Variants in ST6GALNAC3 observed in about 807,000 individuals in gnomAD.
The protein encoded by ST6GALNAC3 is ST6 N-acetylgalactosaminide alpha-2,6-sialyltransferase 3.
ST6GALNAC3 carries 25 observed loss-of-function variants against 32.7 expected under a neutral mutation model. The ratio of observed to expected loss-of-function variants is 0.76; its 90% CI spans 0.56 to 1.07. ST6GALNAC3 has a LOEUF of 1.07. Ranked by LOEUF, ST6GALNAC3 falls within the 50% of genes least tolerant of loss-of-function variation. The pLI is 0.00. For missense variants in ST6GALNAC3, 355 were observed against 382.4 expected (o/e 0.93, Z 0.60); for synonymous variants, 129 against 133.1 (o/e 0.97, Z 0.21).
chr1:76,254,784 A>C (rs1657821492), intron 1 of ST6GALNAC3, among the ~76,000 whole-genome samples: 1 of 152,062 alleles, frequency 6.6e-6, no homozygotes, highest in Non-Finnish European at 1.5e-5. Flanking sequence ...ATTGGCTTTT[A>C]TTAGTGATTC....
chr1:76,283,096 A>T (rs1176031246), intron 1 of ST6GALNAC3, among the ~76,000 whole-genome samples: 1 of 151,962 alleles, frequency 6.6e-6, no homozygotes, highest in Non-Finnish European at 1.5e-5. Flanking sequence ...CTGCCCCTGA[A>T]CGCCCCCATC....
chr1:76,434,980 G>C (rs373458224), intron 3 of ST6GALNAC3, among the ~76,000 whole-genome samples: 1 of 151,544 alleles, frequency 6.6e-6, no homozygotes, highest in Non-Finnish European at 1.5e-5. Context: ...TAGCAGAGAC[G>C]GGGTTTCACC....
intron 1 of ST6GALNAC3, among the ~76,000 whole-genome samples, chr1:76,213,537 C>T (rs1239454163): frequency 1.3e-5 from 2 of 152,162 alleles, no homozygotes; most frequent in African/African-American, 2.4e-5. Flanking sequence ...GACCTGAAAG[C>T]AACAAATACT....
At chr1:76,253,417 C>G (rs1657733274) in intron 1 of ST6GALNAC3, among the ~76,000 whole-genome samples, 1 of 152,034 alleles carries the variant, frequency 6.6e-6, no homozygotes, top group Non-Finnish European at 1.5e-5. Flanking sequence ...TAATGTGAAG[C>G]CTTTCACCGT....
intron 2 of ST6GALNAC3, among the ~76,000 whole-genome samples, chr1:76,410,360 C>T (rs992348433): frequency 2.0e-5 from 3 of 152,048 alleles, no homozygotes; most frequent in African/African-American, 7.2e-5. Context: ...TCTTTCACTT[C>T]ATTCAAGTCT....
chr1:76,462,835 G>A (rs1343409535), intron 3 of ST6GALNAC3, among the ~76,000 whole-genome samples: 2 of 152,174 alleles, frequency 1.3e-5, no homozygotes, highest in Admixed American at 1.3e-4. Flanking sequence ...CTCATTAGGG[G>A]AGTGTATTGC....
chr1:76,241,349 A>T (rs186833288), intron 1 of ST6GALNAC3, among the ~76,000 whole-genome samples: 9 of 152,316 alleles, frequency 5.9e-5, no homozygotes, highest in Admixed American at 2.6e-4. Context: ...GCTTCCACTC[A>T]TGGTGGAAAG....
At chr1:76,325,482 T>G (rs941103758) in intron 2 of ST6GALNAC3, among the ~76,000 whole-genome samples, 1 of 152,028 alleles carries the variant, frequency 6.6e-6, no homozygotes, top group Admixed American at 6.6e-5. Flanking sequence ...ATTTGTGATA[T>G]TCTTAGGAAG....
chr1:76,097,198 C>T (rs1156395985), intron 1 of ST6GALNAC3, among the ~76,000 whole-genome samples: 5 of 152,174 alleles, frequency 3.3e-5, no homozygotes, highest in Non-Finnish European at 1.5e-5. Flanking sequence ...GGATTACAGG[C>T]GTGAACCACT....
At position 76,269,424 on chromosome 1, in the gene ST6GALNAC3, G is replaced by C. The variant is rs535693485; in HGVS notation, c.19-44381G>C. Among the ~76,000 whole-genome samples, 91 of 152,338 alleles carry C rather than the reference G, an allele frequency of 6.0e-4. 2 individuals carry two copies. Among genetic ancestry groups the C allele is most frequent in the South Asian group, 1.2e-3 (6 of 4,832 alleles). Reference sequence around the variant, plus strand: ...GCTGCAGTCACTTGTGGCCATGCTGGAATGAGGGCCCTTTGTTGCCAAATT... The same window carrying C: ...GCTGCAGTCACTTGTGGCCATGCTGCAATGAGGGCCCTTTGTTGCCAAATT... On this transcript the variant is annotated intron_variant, in intron 1 of 4. Transcript: ENST00000328299.
chr1:76,245,341 G>A (rs1049078064), intron 1 of ST6GALNAC3, among the ~76,000 whole-genome samples: 6 of 151,882 alleles, frequency 4.0e-5, no homozygotes, highest in African/African-American at 1.5e-4. Context: ...TATTAGTCTA[G>A]CTAGTGGTCT....
chr1:76,538,827 A>G (rs1026800243), intron 3 of ST6GALNAC3, among the ~76,000 whole-genome samples: 2 of 152,024 alleles, frequency 1.3e-5, no homozygotes, highest in Non-Finnish European at 2.9e-5. Flanking sequence ...GAAGGACCTC[A>G]TCAAGGAGAA....
chr1:76,112,633 T>C lies in ST6GALNAC3; in HGVS notation c.18+37749T>C, dbSNP rs369711310. On this transcript the variant is annotated intron_variant, in intron 1 of 4. Transcript: ENST00000328299. ...CTCACTTCTCAGACGGGGCGGTTGC[T>C]GGGCGGAGGGGCTCCTCACTTCTCA... Among the ~76,000 whole-genome samples the C allele has an allele frequency of 5.3e-3, 765 of 144,220 alleles. 16 individuals carry two copies. Among genetic ancestry groups the C allele is most frequent in the African/African-American group, 0.018 (676 of 36,756 alleles). The allele number at this position is 144,220 out of a possible 152,430, so 94.6% of individuals were successfully genotyped here. A position where few individuals can be genotyped will look rare whatever the true frequency, so the allele number is the denominator to read the frequency against.
intron 3 of ST6GALNAC3, among the ~76,000 whole-genome samples, chr1:76,549,923 A>G (rs936194253): frequency 1.8e-4 from 27 of 152,210 alleles, no homozygotes; most frequent in African/African-American, 6.5e-4. Context: ...TGTTTCCCTG[A>G]CAATGAGGAA....
At chr1:76,287,691 T>C (rs1435235136) in intron 1 of ST6GALNAC3, among the ~76,000 whole-genome samples, 1 of 152,172 alleles carries the variant, frequency 6.6e-6, no homozygotes, top group African/African-American at 2.4e-5. Context: ...ATGTGAGAAA[T>C]GTGCACACTG....
chr1:76,417,225 CT>C (rs548202073), intron 3 of ST6GALNAC3, among the ~76,000 whole-genome samples: 2,969 of 127,784 alleles, frequency 0.023, 94 homozygotes, highest in African/African-American at 0.073. Context: ...TTCTTTCTTT[CT>C]TTTTTTTTTT....
intron 1 of ST6GALNAC3, among the ~76,000 whole-genome samples, chr1:76,244,047 A>G (rs567557711): frequency 1.3e-5 from 2 of 152,166 alleles, no homozygotes; most frequent in East Asian, 1.9e-4. Flanking sequence ...CAGTATGGCC[A>G]TTTTCACAAT....
Position 76,266,321 on chromosome 1 carries a change from A to G in ST6GALNAC3, c.19-47484A>G, listed in dbSNP as rs17098501. Reference sequence around the variant, plus strand: ...CTGTCTTCAGCATAAGGATGACTCTATCAAGTAGGTCTGTAGATACTTCCA... The same window carrying G: ...CTGTCTTCAGCATAAGGATGACTCTGTCAAGTAGGTCTGTAGATACTTCCA... On this transcript the variant is annotated intron_variant, in intron 1 of 4. Coordinates refer to ENST00000328299, the MANE Select transcript of ST6GALNAC3 (RefSeq NM_152996.4). Among the ~76,000 whole-genome samples the G allele has an allele frequency of 3.0e-3, 460 of 152,212 alleles. 1 individual carries two copies. Among genetic ancestry groups the G allele is most frequent in the African/African-American group, 0.01 (423 of 41,532 alleles).
chr1:76,235,011 C>T (rs954842104), intron 1 of ST6GALNAC3, among the ~76,000 whole-genome samples: 2 of 152,172 alleles, frequency 1.3e-5, no homozygotes, highest in African/African-American at 4.8e-5. Context: ...TCTACAGAGT[C>T]GCTGGTGGTT....
Sources: gnomAD v4.1 joint callset for allele counts (sites outside exome capture counted in the v4.1 genomes callset) on GRCh38, gnomAD v4.1.1 for gene constraint, MANE v1.5 for transcripts, NCBI Gene and HGNC (gene_info 2026-07-23, HGNC 2026-07-21) for gene names.